Variants in CNTNAP2 observed in about 807,000 individuals in gnomAD.
CNTNAP2 encodes contactin-associated protein-like 2.
In CNTNAP2, 98 loss-of-function variants were observed where a neutral mutation model predicts 155.2. The observed-to-expected ratio is 0.63, with a 90% confidence interval of 0.54 to 0.75. The LOEUF (loss-of-function observed/expected upper bound fraction) is 0.75, where lower values mean the gene tolerates loss of function less well. Among genes scored for constraint, CNTNAP2 ranks in the 30% least tolerant of loss-of-function variants. The pLI is 0.00. For missense variants in CNTNAP2, 1,727 were observed against 1,688.1 expected (o/e 1.02, Z -0.40); for synonymous variants, 651 against 631.2 (o/e 1.03, Z -0.47).
At chr7:146,785,099 T>C (rs1328092164) in intron 2 of CNTNAP2, among the ~76,000 whole-genome samples, 2 of 151,660 alleles carry the variant, frequency 1.3e-5, no homozygotes, top group Non-Finnish European at 2.9e-5. Context: ...GCCTCCTGAG[T>C]AGCTAAGACT....
chr7:146,888,862 T>C (rs1488372155), intron 3 of CNTNAP2, among the ~76,000 whole-genome samples: 1 of 152,038 alleles, frequency 6.6e-6, no homozygotes, highest in Non-Finnish European at 1.5e-5. Flanking sequence ...GGGGATATGA[T>C]GGTCAAAGGG....
At chr7:146,502,147 C>T (rs1797309509) in intron 1 of CNTNAP2, among the ~76,000 whole-genome samples, 1 of 148,866 alleles carries the variant, frequency 6.7e-6, no homozygotes, top group African/African-American at 2.5e-5. Flanking sequence ...TGTCTATTTC[C>T]ATCCAAGTGG....
intron 1 of CNTNAP2, among the ~76,000 whole-genome samples, chr7:146,241,868 A>G (rs2116928589): frequency 6.6e-6 from 1 of 152,082 alleles, no homozygotes; most frequent in East Asian, 1.9e-4. Flanking sequence ...AAACATATAT[A>G]TATGAAAAGA....
At chr7:146,243,777 T>C (rs1464554295) in intron 1 of CNTNAP2, among the ~76,000 whole-genome samples, 1 of 152,156 alleles carries the variant, frequency 6.6e-6, no homozygotes, top group Non-Finnish European at 1.5e-5. Flanking sequence ...TAAGTGAGAT[T>C]ACAGAGGAAT....
intron 1 of CNTNAP2, among the ~76,000 whole-genome samples, chr7:146,541,377 T>G (rs1228482601): frequency 6.6e-6 from 1 of 152,052 alleles, no homozygotes; most frequent in African/African-American, 2.4e-5. Flanking sequence ...GTCTATGGAT[T>G]TAACACTCTA....
intron 13 of CNTNAP2, among the ~76,000 whole-genome samples, chr7:147,684,429 C>CA (rs1488902268): frequency 1.3e-5 from 2 of 151,846 alleles, no homozygotes; most frequent in African/African-American, 4.8e-5. Flanking sequence ...CAAATATAAA[C>CA]ACCTCTTTAT....
At chr7:148,044,879 GACA>G (rs1802749087) in intron 15 of CNTNAP2, among the ~76,000 whole-genome samples, 1 of 152,034 alleles carries the variant, frequency 6.6e-6, no homozygotes, top group Non-Finnish European at 1.5e-5. Flanking sequence ...TGTTTTTGTA[GACA>G]ACATCTTACT....
In CNTNAP2 at chr7:146,819,803, A is replaced by G. The variant is rs146515791; in HGVS notation, c.209-19908A>G. Among the ~76,000 whole-genome samples the G allele has an allele frequency of 5.0e-3, 765 of 152,260 alleles. 6 individuals are homozygous for G. The highest frequency in any genetic ancestry group is 0.017 in the African/African-American group (707 of 41,570). On this transcript the variant is annotated intron_variant, in intron 2 of 23. Coordinates refer to ENST00000361727, the MANE Select transcript of CNTNAP2 (RefSeq NM_014141.6). ...AGTTTCTCAACTCAGAATGTCTAGA[A>G]GTCAGCCTTGATTCCTTCTTTTCAC...
intron 3 of CNTNAP2, among the ~76,000 whole-genome samples, chr7:146,871,597 C>A (rs1400866981): frequency 1.3e-5 from 2 of 151,720 alleles, no homozygotes; most frequent in Non-Finnish European, 2.9e-5. Flanking sequence ...GCTCAGTCAT[C>A]AATGATAGGC....
At chr7:146,958,516 C>T (rs1213952723) in intron 3 of CNTNAP2, among the ~76,000 whole-genome samples, 3 of 148,012 alleles carry the variant, frequency 2.0e-5, no homozygotes, top group Non-Finnish European at 3.0e-5. Flanking sequence ...AGGGTTCATG[C>T]CATTCTCCTG....
chr7:148,207,716 G>C (rs1795474189), intron 18 of CNTNAP2, among the ~76,000 whole-genome samples: 1 of 152,144 alleles, frequency 6.6e-6, no homozygotes, highest in Admixed American at 6.5e-5. Context: ...GGTTTAAGAA[G>C]GACATGGTTA....
At chr7:147,884,494 G>GA (rs35756362) in intron 13 of CNTNAP2, among the ~76,000 whole-genome samples, 16,209 of 145,716 alleles carry the variant, frequency 0.11, 1,617 homozygotes, top group African/African-American at 0.27. Flanking sequence ...TGCCTCGCCA[G>GA]AAAAAAAAAA....
At position 146,730,802 on chromosome 7, in the gene CNTNAP2, A is replaced by G. The variant is rs150714285; in HGVS notation, c.98-43469A>G. 7.4e-3 allele frequency among the ~76,000 whole-genome samples: 1,129 copies of G among 152,150 alleles called. 15 individuals carry two copies. Among genetic ancestry groups the G allele is most frequent in the African/African-American group, 0.024 (1,014 of 41,510 alleles). ...AATTTTACTTGTCATCCTTGTTTTT[A>G]TTTCCACCACTTCCCATTCCTAAGG... is the stretch of plus-strand genomic sequence containing the variant. On this transcript the variant is annotated intron_variant, in intron 1 of 23. Transcript: ENST00000361727.
chr7:147,222,323 C>G (rs905714101), intron 8 of CNTNAP2, among the ~76,000 whole-genome samples: 3 of 151,764 alleles, frequency 2.0e-5, no homozygotes, highest in African/African-American at 7.3e-5. Flanking sequence ...TATTGAGATA[C>G]CATCCAGCTC....
intron 1 of CNTNAP2, among the ~76,000 whole-genome samples, chr7:146,721,004 A>G (rs1488217815): frequency 8.1e-6 from 1 of 123,120 alleles, no homozygotes; most frequent in African/African-American, 4.0e-5. Context: ...TATATAGTCT[A>G]TATATATACT....
At position 147,723,249 on chromosome 7, in the gene CNTNAP2, C is replaced by T. The variant is rs142259069; in HGVS notation, c.2098+83943C>T. ...GATCAATGAAATTCAACTGTGAACA[C>T]GTATGTCAGAATATTACAGTCAGGA... On this transcript the variant is annotated intron_variant, in intron 13 of 23. Transcript: ENST00000361727. Among the ~76,000 whole-genome samples the T allele has an allele frequency of 9.9e-5, 15 of 151,950 alleles. No individual in the cohort carries two copies. In the East Asian group the frequency reaches 2.1e-3, roughly 22 times the overall value.
At chr7:146,710,436 A>G (rs1350087935) in intron 1 of CNTNAP2, among the ~76,000 whole-genome samples, 1 of 152,166 alleles carries the variant, frequency 6.6e-6, no homozygotes, top group African/African-American at 2.4e-5. Context: ...TTGAGGTTTG[A>G]AGTTTACCAT....
intron 1 of CNTNAP2, among the ~76,000 whole-genome samples, chr7:146,180,891 G>T (rs1200998406): frequency 6.6e-6 from 1 of 152,164 alleles, no homozygotes; most frequent in Non-Finnish European, 1.5e-5. Flanking sequence ...GAAGTTCAGA[G>T]TCGGGTGTAT....
intron 1 of CNTNAP2, among the ~76,000 whole-genome samples, chr7:146,437,111 C>T (rs2129118440): frequency 6.6e-6 from 1 of 151,486 alleles, no homozygotes; most frequent in African/African-American, 2.4e-5. Context: ...GCGTTAGGTT[C>T]TCATAGGAGC....
Sources: allele counts gnomAD v4.1 joint callset (sites outside exome capture counted in the v4.1 genomes callset), GRCh38; gene constraint gnomAD v4.1.1; transcripts MANE v1.5; gene names NCBI Gene and HGNC (gene_info 2026-07-23, HGNC 2026-07-21).